CAPN2: variants seen among roughly 807,000 people sequenced by gnomAD.
The protein encoded by CAPN2 is calpain-2 catalytic subunit.
In CAPN2, 92 loss-of-function variants were observed where a neutral mutation model predicts 102.3. That is an observed-to-expected ratio of 0.90 (90% CI 0.76 to 1.07). CAPN2 has a LOEUF of 1.07. Ranked by LOEUF, CAPN2 falls within the 50% of genes least tolerant of loss-of-function variation. The pLI, the probability that CAPN2 is intolerant of heterozygous loss-of-function variation, is 0.00. For synonymous variants in CAPN2, 340 were observed against 355.4 expected (o/e 0.96, Z 0.49); for missense variants, 800 against 909.4 (o/e 0.88, Z 1.55).
At chr1:223,732,796 G>A (rs1660366891) in intron 2 of CAPN2, among the ~76,000 whole-genome samples, 4 of 152,132 alleles carry the variant, frequency 2.6e-5, no homozygotes, top group Admixed American at 2.6e-4. Context: ...AGGTGGGGAC[G>A]TTAGCATTAT....
rs1019766087 is a variant in CAPN2, at chr1:223,725,239, C to T, written c.307+7408C>T. On this transcript the variant is annotated intron_variant, in intron 2 of 20. Coordinates refer to ENST00000295006, the MANE Select transcript of CAPN2 (RefSeq NM_001748.5). The surrounding 1 kb of genome is among the most constrained non-coding windows in gnomAD (Gnocchi z 4.1). ...ACAATATGAAATACAAACAATTAGC[C>T]GGGCGTGGTGGCATGCACTTGTAGT... is the stretch of plus-strand genomic sequence containing the variant. 6.6e-6 allele frequency among the ~76,000 whole-genome samples: 1 copy of T among 151,942 alleles called. No homozygotes were observed. The highest frequency in any genetic ancestry group is 1.5e-5 in the Non-Finnish European group (1 of 67,988).
At position 223,754,259 on chromosome 1, in the gene CAPN2, G is replaced by A. The variant is rs28370092; in HGVS notation, c.1136-1221G>A. ...TCAGACTGCGGCTAGCTGGCCTACA[G>A]TTCTGGGGCTCGGACTCCTTCACCT... On this transcript the variant is annotated intron_variant, in intron 9 of 20. Coordinates refer to ENST00000295006, the MANE Select transcript of CAPN2 (RefSeq NM_001748.5). This position sits in a 1 kb window ranked among gnomAD's most constrained non-coding sequence, Gnocchi z 4.7. Among the ~76,000 whole-genome samples the A allele has an allele frequency of 4.9e-3, 748 of 152,360 alleles. 5 individuals are homozygous for A. Among genetic ancestry groups the A allele is most frequent in the African/African-American group, 0.017 (724 of 41,580 alleles).
intron 16 of CAPN2, among the ~76,000 whole-genome samples, chr1:223,768,224 G>T (rs1294601212): frequency 1.3e-5 from 2 of 150,242 alleles, no homozygotes; most frequent in Admixed American, 6.6e-5. Flanking sequence ...TTTGGCTTTT[G>T]TTGCCATTGC....
At position 223,759,316 on chromosome 1, in the gene CAPN2, C is replaced by T. The variant is rs773084596; in HGVS notation, c.1364C>T (p.Thr455Met). Residue 455 changes from threonine (T) to methionine (M), a missense_variant, in exon 12 of 21, where the codon ACG becomes ATG. Coordinates refer to ENST00000295006, the MANE Select transcript of CAPN2 (RefSeq NM_001748.5). This position sits in a 1 kb window ranked among gnomAD's most constrained non-coding sequence, Gnocchi z 4.6. ...NIHLSKNFFL[T>M]NRARERSDTF... ...CACCTCAGCAAAAACTTCTTCCTGA[C>T]GAATCGCGCCAGGGAGCGCTCAGAC... 8.7e-6 allele frequency: 14 copies of T among 1,614,216 alleles called. No homozygotes were observed. The highest frequency in any genetic ancestry group is 1.6e-4 in the Middle Eastern group (1 of 6,062).
rs1661442441 is a variant in CAPN2, at chr1:223,770,436, A to C, written c.1825-11A>C. 6.2e-7 allele frequency: 1 copy of C among 1,607,110 alleles called. No individual in the cohort carries two copies. Among genetic ancestry groups the C allele is most frequent in the Non-Finnish European group, 8.5e-7 (1 of 1,173,778 alleles). On this transcript the variant is annotated splice_polypyrimidine_tract_variant and intron_variant, in intron 17 of 20. Coordinates refer to ENST00000295006, the MANE Select transcript of CAPN2 (RefSeq NM_001748.5). ...GGGTCATAGTTCTTACAGCTAACTT[A>C]TGTGTTCCAGAAAATTTACCGAGAA...
At chr1:223,742,652 T>C (rs1660654084) in intron 2 of CAPN2, among the ~76,000 whole-genome samples, 1 of 151,332 alleles carries the variant, frequency 6.6e-6, no homozygotes, top group Non-Finnish European at 1.5e-5. Flanking sequence ...CCCAAGTAGC[T>C]GGGACTACAG....
At chr1:223,770,244 T>C (rs1273398105) in intron 17 of CAPN2, 1 of 596,980 alleles carries the variant, frequency 1.7e-6, no homozygotes, top group Non-Finnish European at 3.0e-6. Context: ...GCTGGCTGAT[T>C]TGATGGGCAT....
intron 5 of CAPN2, among the ~76,000 whole-genome samples, chr1:223,748,454 G>T (rs1336850208): frequency 1.3e-5 from 2 of 152,242 alleles, no homozygotes; most frequent in African/African-American, 4.8e-5. Context: ...AGAATAGATA[G>T]GGGAAAGGAG....
At chr1:223,722,860 C>G (rs1263169800) in intron 2 of CAPN2, among the ~76,000 whole-genome samples, 2 of 152,186 alleles carry the variant, frequency 1.3e-5, no homozygotes, top group African/African-American at 4.8e-5. Context: ...GGTTCTTTCT[C>G]TATTCCGGGA....
chr1:223,763,854 C>T (rs1381862372), intron 14 of CAPN2, among the ~76,000 whole-genome samples: 1 of 152,122 alleles, frequency 6.6e-6, no homozygotes, highest in Non-Finnish European at 1.5e-5. Context: ...GCTGGAGGAT[C>T]GTTTGAGCCT....
intron 3 of CAPN2, 115 bp from the exon 4 acceptor site, chr1:223,745,191 G>A (rs964447713): frequency 1.5e-6 from 2 of 1,369,310 alleles, no homozygotes; most frequent in South Asian, 2.6e-5. Flanking sequence ...CTCCCAGGAT[G>A]CGCTCATGGA....
chr1:223,709,999 G>A (rs375190238), upstream of CAPN2, among the ~76,000 whole-genome samples: 5 of 152,186 alleles, frequency 3.3e-5, no homozygotes, highest in African/African-American at 1.2e-4. Flanking sequence ...AAAGGGGCTC[G>A]TGTGGTGGCT....
At position 223,742,662 on chromosome 1, in the gene CAPN2, G is replaced by A. The variant is rs144935153; in HGVS notation, c.308-1438G>A. Reference sequence around the variant, plus strand: ...AGCCTCCCAAGTAGCTGGGACTACAGGTGTCTACCACCACACCTGGCAAAT... The same window carrying A: ...AGCCTCCCAAGTAGCTGGGACTACAAGTGTCTACCACCACACCTGGCAAAT... On this transcript the variant is annotated intron_variant, in intron 2 of 20. Transcript: ENST00000295006. Among the ~76,000 whole-genome samples, 508 of 150,802 alleles carry A rather than the reference G, an allele frequency of 3.4e-3. 3 individuals are homozygous for A. The highest frequency in any genetic ancestry group is 0.01 in the African/African-American group (423 of 40,612).
At chr1:223,770,227 G>A in intron 17 of CAPN2, 1 of 591,054 alleles carries the variant, frequency 1.7e-6, no homozygotes, top group Non-Finnish European at 3.0e-6. Context: ...TGGACCTATG[G>A]GCGTTGGCTG....
rs536516996 is a variant in CAPN2, at chr1:223,706,545, T to A, written c.3+4714T>A. ...GTTCCCTCTGCCCTCCTACACTGGG[T>A]ATGGACAGACCCCAAGGGACCATGG... On this transcript the variant is annotated intron_variant, in intron 1 of 20. Transcript: ENST00000433674. Among the ~76,000 whole-genome samples, 5 of 152,196 alleles carry A rather than the reference T, an allele frequency of 3.3e-5. No individual in the cohort carries two copies. The East Asian group carries it at 9.7e-4, about 29-fold the overall frequency.
intron 16 of CAPN2, among the ~76,000 whole-genome samples, chr1:223,769,374 G>A (rs1558079536): frequency 6.6e-6 from 1 of 152,098 alleles, no homozygotes; most frequent in Non-Finnish European, 1.5e-5. Flanking sequence ...GCCCACCTTG[G>A]CCTCCCAAAG....
At position 223,727,839 on chromosome 1, in the gene CAPN2, G is replaced by A. The variant is rs967763366; in HGVS notation, c.307+10008G>A. ...GGCCCTCCCTGCTTCTTGGAGAATG[G>A]TTCCACTGGCAGGCCATTCCGTCTG... On this transcript the variant is annotated intron_variant, in intron 2 of 20. Coordinates refer to ENST00000295006, the MANE Select transcript of CAPN2 (RefSeq NM_001748.5). This position sits in a 1 kb window ranked among gnomAD's most constrained non-coding sequence, Gnocchi z 4.1. 6.6e-6 allele frequency among the ~76,000 whole-genome samples: 1 copy of A among 152,102 alleles called. No homozygotes were observed. Among genetic ancestry groups the A allele is most frequent in the African/African-American group, 2.4e-5 (1 of 41,398 alleles).
rs75080050 is a variant in CAPN2 at position 223,735,704 on chromosome 1, C to T, written c.308-8396C>T. 7.8e-3 allele frequency among the ~76,000 whole-genome samples: 1,194 copies of T among 152,220 alleles called. 13 individuals carry two copies. Among genetic ancestry groups the T allele is most frequent in the African/African-American group, 0.027 (1,117 of 41,516 alleles). ...TGGGGTGCTCCGTGGAGCCATTTGG[C>T]CTGTGCCCAGCAGCGAGGGGGACAG... On this transcript the variant is annotated intron_variant, in intron 2 of 20. Coordinates refer to ENST00000295006, the MANE Select transcript of CAPN2 (RefSeq NM_001748.5).
At chr1:223,730,972 A>G (rs2102785156) in intron 2 of CAPN2, among the ~76,000 whole-genome samples, 1 of 152,372 alleles carries the variant, frequency 6.6e-6, no homozygotes, top group African/African-American at 2.4e-5. Flanking sequence ...TTGCTGCCAG[A>G]AAACCTGTCC....
Sources: gnomAD v4.1 joint callset for allele counts (sites outside exome capture counted in the v4.1 genomes callset) on GRCh38, gnomAD v4.1.1 for gene constraint, Gnocchi (gnomAD v3.1) non-coding constraint, MANE v1.5 for transcripts, NCBI Gene and HGNC (gene_info 2026-07-23, HGNC 2026-07-21) for gene names.